Variants in GABBR2 observed in about 807,000 individuals in gnomAD.
GABBR2 encodes the protein gamma-aminobutyric acid type B receptor subunit 2, also known as G-protein coupled receptor 51.
Under a neutral mutation model 105.6 loss-of-function variants are expected in GABBR2, and 23 were observed. That is an observed-to-expected ratio of 0.22 (90% confidence interval 0.16 to 0.31). GABBR2 has a LOEUF of 0.31. Ranked by LOEUF, GABBR2 falls within the 10% of genes least tolerant of loss-of-function variation. GABBR2 has a pLI of 1.00. For synonymous variants in GABBR2, 478 were observed against 499.7 expected, an observed-to-expected ratio of 0.96 and a Z score of 0.58; for missense variants, 734 against 1,245.5, an observed-to-expected ratio of 0.59 and a Z score of 6.18.
At chr9:98,487,673 G>T (rs891830526) in intron 4 of GABBR2, among the ~76,000 whole-genome samples, 2 of 148,920 alleles carry the variant, frequency 1.3e-5, no homozygotes, top group African/African-American at 5.2e-5. Flanking sequence ...AGTTACTTGG[G>T]AGGCTGAGGT....
chr9:98,389,406 C>G (rs1203549923), intron 9 of GABBR2, among the ~76,000 whole-genome samples: 2 of 152,224 alleles, frequency 1.3e-5, no homozygotes, highest in Non-Finnish European at 2.9e-5. Flanking sequence ...GCCTCAAGAT[C>G]TCTGCTCCTA....
chr9:98,677,307 A>G (rs1308800859), intron 1 of GABBR2, among the ~76,000 whole-genome samples: 1 of 152,220 alleles, frequency 6.6e-6, no homozygotes, highest in Non-Finnish European at 1.5e-5. Context: ...AGACAGCTGA[A>G]GGCTTGATCC....
chr9:98,539,742 C>T (rs1339691759), intron 3 of GABBR2, among the ~76,000 whole-genome samples: 1 of 151,692 alleles, frequency 6.6e-6, no homozygotes, highest in Admixed American at 6.6e-5. Context: ...ATGGTGAAAC[C>T]CCGTCTCTAC....
At chr9:98,564,825 T>C (rs562035998) in intron 2 of GABBR2, among the ~76,000 whole-genome samples, 1 of 152,150 alleles carries the variant, frequency 6.6e-6, no homozygotes, top group South Asian at 2.1e-4. Flanking sequence ...TTGTAATATA[T>C]TGAGGAATGG....
At chr9:98,440,279 G>A (rs893919100) in intron 7 of GABBR2, among the ~76,000 whole-genome samples, 1 of 152,190 alleles carries the variant, frequency 6.6e-6, no homozygotes, top group Non-Finnish European at 1.5e-5. Context: ...CTTCTGCAAA[G>A]ATGTCCCATC....
chr9:98,299,089 A>C, intron 17 of GABBR2, 135 bp downstream of exon 17: 1 of 766,518 alleles, frequency 1.3e-6, no homozygotes, highest in Non-Finnish European at 2.2e-6. Context: ...CAGATGCTCC[A>C]GCTCTGTGTG....
chr9:98,455,893 C>T (rs951777989), intron 6 of GABBR2, among the ~76,000 whole-genome samples: 15 of 152,314 alleles, frequency 9.8e-5, no homozygotes, highest in African/African-American at 3.4e-4. Flanking sequence ...GGGAGTCTGC[C>T]TCCTCCTGTT....
At chr9:98,517,185 C>G (rs1307445605) in intron 3 of GABBR2, among the ~76,000 whole-genome samples, 1 of 152,208 alleles carries the variant, frequency 6.6e-6, no homozygotes, top group Non-Finnish European at 1.5e-5. Flanking sequence ...ACTGGCCCAG[C>G]CTTCTGGTCT....
intron 13 of GABBR2, among the ~76,000 whole-genome samples, chr9:98,349,890 T>C (rs1306391755): frequency 6.6e-6 from 1 of 152,174 alleles, no homozygotes; most frequent in East Asian, 1.9e-4. Flanking sequence ...GGGCTTTTCT[T>C]TGTTGGGAGA....
chr9:98,315,783 A>C (rs1830705244), intron 13 of GABBR2, among the ~76,000 whole-genome samples: 1 of 152,226 alleles, frequency 6.6e-6, no homozygotes, highest in African/African-American at 2.4e-5. Flanking sequence ...GGGACACAGA[A>C]CTACCAACTA....
intron 13 of GABBR2, among the ~76,000 whole-genome samples, chr9:98,312,464 T>C (rs968517174): frequency 6.6e-6 from 1 of 152,226 alleles, no homozygotes; most frequent in African/African-American, 2.4e-5. Flanking sequence ...TGGCACTCTG[T>C]GATCACTTGG....
chr9:98,436,255 C>A (rs1323552411), intron 7 of GABBR2, among the ~76,000 whole-genome samples: 1 of 116,086 alleles, frequency 8.6e-6, no homozygotes, highest in African/African-American at 3.4e-5. Flanking sequence ...TATCTGATTT[C>A]TTCTGTTATT....
chr9:98,584,366 T>G (rs1428681201), intron 1 of GABBR2, among the ~76,000 whole-genome samples: 1 of 152,170 alleles, frequency 6.6e-6, no homozygotes, highest in Non-Finnish European at 1.5e-5. Context: ...CTCCCTCTTC[T>G]CTCTGGTATT....
chr9:98,653,053 G>A (rs1296968493), intron 1 of GABBR2, among the ~76,000 whole-genome samples: 1 of 152,248 alleles, frequency 6.6e-6, no homozygotes, highest in East Asian at 1.9e-4. Context: ...CTGGAGTGCA[G>A]TGGCACAATC....
intron 3 of GABBR2, among the ~76,000 whole-genome samples, chr9:98,512,506 A>C (rs1025157851): frequency 6.6e-6 from 1 of 152,024 alleles, no homozygotes; most frequent in Admixed American, 6.6e-5. Context: ...TATCTAGAAA[A>C]CCCCATCGTC....
At chr9:98,473,933 G>C (rs1003697028) in intron 5 of GABBR2, among the ~76,000 whole-genome samples, 1 of 152,124 alleles carries the variant, frequency 6.6e-6, no homozygotes, top group South Asian at 2.1e-4. Flanking sequence ...AACCCAGGGG[G>C]AATAATTTTT....
chr9:98,293,812 G>A lies in GABBR2; in HGVS notation c.2633C>T (p.Pro878Leu). 6.3e-7 allele frequency: 1 copy of A among 1,595,780 alleles called. No homozygotes were observed. Among genetic ancestry groups the A allele is most frequent in the Non-Finnish European group, 8.6e-7 (1 of 1,163,822 alleles). ...TTEPSRTCKD[P>L]IEDINSPEHI... ...TTCTGGAGAGTTTATATCTTCTATAGGATCTTTGCATGTTCGAGAGGGCTC... is the reference window on the plus strand; with the variant it reads ...TTCTGGAGAGTTTATATCTTCTATAAGATCTTTGCATGTTCGAGAGGGCTC... The change falls in exon 18 of 19, where the codon CCT becomes CTT. Residue 878 changes from proline to leucine, a missense_variant. By Grantham distance (98) the Pro-to-Leu change is moderately conservative. Coordinates refer to ENST00000259455, the MANE Select transcript of GABBR2 (RefSeq NM_005458.8).
intron 4 of GABBR2, among the ~76,000 whole-genome samples, chr9:98,492,279 A>C (rs1041539814): frequency 7.0e-6 from 1 of 142,968 alleles, no homozygotes. Flanking sequence ...ACTGTAGAAT[A>C]ATGGAAATTT....
intron 1 of GABBR2, among the ~76,000 whole-genome samples, chr9:98,635,427 G>T (rs1700149222): frequency 6.6e-6 from 1 of 152,184 alleles, no homozygotes; most frequent in Admixed American, 6.5e-5. Flanking sequence ...CACTCAGAGG[G>T]CTAGAGAGGA....
Sources: gnomAD v4.1 joint callset for allele counts (sites outside exome capture counted in the v4.1 genomes callset) on GRCh38, gnomAD v4.1.1 for gene constraint, MANE v1.5 for transcripts, NCBI Gene and HGNC (gene_info 2026-07-23, HGNC 2026-07-21) for gene names.